SLC24A3: variants seen among roughly 807,000 people sequenced by gnomAD.
SLC24A3 encodes solute carrier family 24 member 3, also known as sodium/potassium/calcium exchanger 3.
In SLC24A3, 28 loss-of-function variants were observed where a neutral mutation model predicts 75.8. The observed-to-expected ratio is 0.37, with a 90% CI of 0.27 to 0.51. The LOEUF is 0.51. Among genes scored for constraint, SLC24A3 ranks in the 20% least tolerant of loss-of-function variants. SLC24A3 has a pLI of 0.94. For missense variants in SLC24A3, 663 were observed against 847.8 expected (o/e 0.78, Z 2.71); for synonymous variants, 372 against 334.1 (o/e 1.11, Z -1.24).
intron 6 of SLC24A3, among the ~76,000 whole-genome samples, chr20:19,610,412 G>A (rs981611151): frequency 9.9e-5 from 15 of 152,282 alleles, no homozygotes; most frequent in African/African-American, 3.1e-4. Context: ...CCCCACAGAT[G>A]CACAGCCCCA....
In SLC24A3 at chr20:19,264,957, T is replaced by C. The variant is rs527253788; in HGVS notation, c.143-16002T>C. On this transcript the variant is annotated intron_variant, in intron 1 of 16. Transcript: ENST00000328041. ...TGTTTATATATGCTTTTCCCCTTTA[T>C]CTGTCTTGCTTTCCACTTTCTTTCA... Among the ~76,000 whole-genome samples the C allele has an allele frequency of 2.6e-5, 4 of 152,324 alleles. 1 individual carries two copies. Among genetic ancestry groups the C allele is most frequent in the African/African-American group, 9.6e-5 (4 of 41,570 alleles).
At chr20:19,373,815 G>C (rs2223850) in intron 2 of SLC24A3, among the ~76,000 whole-genome samples, 68,976 of 151,834 alleles carry the variant, frequency 0.45, 16,498 homozygotes, top group African/African-American at 0.58. Flanking sequence ...TCTACTAAGA[G>C]CATGACATGT....
chr20:19,388,846 G>T (rs6046046), intron 2 of SLC24A3, among the ~76,000 whole-genome samples: 1 of 151,892 alleles, frequency 6.6e-6, no homozygotes, highest in East Asian at 1.9e-4. Context: ...CTTTTAATTG[G>T]ATAATTTCAG....
chr20:19,400,109 T>A (rs1228272089), intron 2 of SLC24A3, among the ~76,000 whole-genome samples: 1 of 152,190 alleles, frequency 6.6e-6, no homozygotes, highest in Non-Finnish European at 1.5e-5. Context: ...TCTGTGTCCA[T>A]TCTTGGTTAG....
chr20:19,266,618 G>A (rs1191524961), intron 1 of SLC24A3, among the ~76,000 whole-genome samples: 2 of 152,214 alleles, frequency 1.3e-5, no homozygotes, highest in East Asian at 1.9e-4. Flanking sequence ...ATTTTGAGAA[G>A]CCAAGTGATG....
At position 19,615,546 on chromosome 20, in the gene SLC24A3, C is replaced by T. The variant is rs542010454; in HGVS notation, c.612+30002C>T. ...AGAGAGAGCAAGGCAGGAGGTGCTA[C>T]ACACTTTCAAACAACCAGATCTCTA... On this transcript the variant is annotated intron_variant, in intron 6 of 16. Coordinates refer to ENST00000328041, the MANE Select transcript of SLC24A3 (RefSeq NM_020689.4). Among the ~76,000 whole-genome samples, 12 of 152,262 alleles carry T rather than the reference C, an allele frequency of 7.9e-5. No individual in the cohort carries two copies. The South Asian group carries it at 1.9e-3, about 24-fold the overall frequency.
At chr20:19,447,475 G>A (rs1987406163) in intron 2 of SLC24A3, among the ~76,000 whole-genome samples, 1 of 152,132 alleles carries the variant, frequency 6.6e-6, no homozygotes, top group Admixed American at 6.5e-5. Context: ...ACTAGGGCCT[G>A]AACAGGTGCA....
At chr20:19,256,423 ACT>A (rs1240900805) in intron 1 of SLC24A3, among the ~76,000 whole-genome samples, 1 of 152,062 alleles carries the variant, frequency 6.6e-6, no homozygotes, top group Admixed American at 6.5e-5. Context: ...TGGTTACACA[ACT>A]CTGTAAATAT....
chr20:19,607,266 C>T (rs2031609254), intron 6 of SLC24A3, among the ~76,000 whole-genome samples: 1 of 152,128 alleles, frequency 6.6e-6, no homozygotes, highest in Admixed American at 6.5e-5. Context: ...CCTGAAACCC[C>T]TCTTTTCTCA....
rs1264444310 is a variant in SLC24A3 at position 19,721,947 on chromosome 20, C to T, written c.*807C>T. 6.5e-6 allele frequency: 1 copy of T among 152,724 alleles called. No individual in the cohort carries two copies. The highest frequency in any genetic ancestry group is 1.5e-5 in the Non-Finnish European group (1 of 68,108). The allele number at this position is 152,724 out of a possible 1,614,324, so 9.5% of individuals were successfully genotyped here. On this transcript the variant is annotated 3_prime_UTR_variant, in exon 17 of 17. Coordinates refer to ENST00000328041, the MANE Select transcript of SLC24A3 (RefSeq NM_020689.4). ...AAGAAGACAACTTCCCTCATTCCAT[C>T]ATCACCATCTCTTTCTCACTAGGTT...
At chr20:19,448,552 C>T (rs1436881284) in intron 2 of SLC24A3, among the ~76,000 whole-genome samples, 1 of 152,154 alleles carries the variant, frequency 6.6e-6, no homozygotes, top group African/African-American at 2.4e-5. Flanking sequence ...CCTTTTCTCC[C>T]CAGAAGTAGT....
chr20:19,609,252 G>C (rs992491658), intron 6 of SLC24A3, among the ~76,000 whole-genome samples: 1 of 151,904 alleles, frequency 6.6e-6, no homozygotes, highest in Non-Finnish European at 1.5e-5. Flanking sequence ...ATTTTATGGG[G>C]AAATTACACC....
intron 2 of SLC24A3, among the ~76,000 whole-genome samples, chr20:19,342,219 T>G (rs1985288284): frequency 6.6e-6 from 1 of 152,224 alleles, no homozygotes; most frequent in African/African-American, 2.4e-5. Flanking sequence ...GCTAATTATC[T>G]ATCTGTTCTC....
chr20:19,287,609 C>T (rs927026362), intron 2 of SLC24A3, among the ~76,000 whole-genome samples: 3 of 152,210 alleles, frequency 2.0e-5, no homozygotes, highest in Middle Eastern at 3.2e-3. Context: ...ATAGCTCTTG[C>T]TTTAATCTTC....
intron 2 of SLC24A3, among the ~76,000 whole-genome samples, chr20:19,417,275 T>C (rs1235137027): frequency 6.6e-6 from 1 of 152,192 alleles, no homozygotes; most frequent in Non-Finnish European, 1.5e-5. Flanking sequence ...AGAAAATAGA[T>C]TGGAGACAAC....
At chr20:19,330,721 G>A (rs1277396515) in intron 2 of SLC24A3, among the ~76,000 whole-genome samples, 2 of 152,194 alleles carry the variant, frequency 1.3e-5, no homozygotes, top group Admixed American at 1.3e-4. Flanking sequence ...AAAGTCATCA[G>A]TAGATGCAAA....
intron 2 of SLC24A3, among the ~76,000 whole-genome samples, chr20:19,361,179 C>G (rs1985780158): frequency 6.6e-6 from 1 of 152,192 alleles, no homozygotes; most frequent in South Asian, 2.1e-4. Flanking sequence ...AGCACTGGCT[C>G]TCACATGTGG....
chr20:19,253,227 C>G (rs947251904), intron 1 of SLC24A3, among the ~76,000 whole-genome samples: 2 of 152,194 alleles, frequency 1.3e-5, no homozygotes, highest in East Asian at 3.9e-4. Context: ...TCCCAGGGCC[C>G]TGGCACATCC....
chr20:19,615,172 A>C (rs921912678), intron 6 of SLC24A3, among the ~76,000 whole-genome samples: 5 of 152,118 alleles, frequency 3.3e-5, no homozygotes, highest in African/African-American at 1.2e-4. Flanking sequence ...AGAGTCATTT[A>C]AAAATATATA....
Sources: allele counts gnomAD v4.1 joint callset (sites outside exome capture counted in the v4.1 genomes callset), GRCh38; gene constraint gnomAD v4.1.1; transcripts MANE v1.5; gene names NCBI Gene and HGNC (gene_info 2026-07-23, HGNC 2026-07-21).